GRID2: variants seen among roughly 807,000 people sequenced by gnomAD.
GRID2 encodes glutamate receptor ionotropic, delta-2.
A neutral mutation model predicts 114.8 loss-of-function variants in GRID2; 33 were observed. That is an observed-to-expected ratio of 0.29 (90% CI 0.22 to 0.38). The LOEUF is 0.38. Ranked by LOEUF, GRID2 falls within the 10% of genes least tolerant of loss-of-function variation. The pLI, the probability that GRID2 is intolerant of heterozygous loss-of-function variation, is 1.00. For missense variants in GRID2, 1,184 were observed against 1,257.7 expected, an observed-to-expected ratio of 0.94 and a Z score of 0.89; for synonymous variants, 505 against 449.9, an observed-to-expected ratio of 1.12 and a Z score of -1.55.
chr4:92,883,325 G>GT (rs1746148283), intron 2 of GRID2, among the ~76,000 whole-genome samples: 1 of 152,144 alleles, frequency 6.6e-6, no homozygotes, highest in African/African-American at 2.4e-5. Context: ...TGCTCTTGCT[G>GT]TTTTTATCAC....
At chr4:93,157,167 T>C (rs997840865) in intron 4 of GRID2, among the ~76,000 whole-genome samples, 1 of 151,682 alleles carries the variant, frequency 6.6e-6, no homozygotes, top group Admixed American at 6.6e-5. Context: ...AAAATGTAGA[T>C]TTCAACCTTA....
rs759877728 is a variant in GRID2, at chr4:93,751,972, C to CT, written c.2361-17225dup. Among the ~76,000 whole-genome samples the CT allele has an allele frequency of 3.9e-3, 553 of 143,082 alleles. 2 individuals carry two copies. The highest frequency in any genetic ancestry group is 4.8e-3 in the Non-Finnish European group (315 of 64,994). The allele number at this position is 143,082 out of a possible 152,430, so 93.9% of individuals were successfully genotyped here. A position where few individuals can be genotyped will look rare whatever the true frequency, so the allele number is the denominator to read the frequency against. On this transcript the variant is annotated intron_variant, in intron 14 of 15. Transcript: ENST00000282020. ...TCAGGCCATTGCACACCTGAACATT[C>CT]TTTTTTTTTTTTTGGCTAGAGTATC...
chr4:93,239,806 A>G (rs1275468350), intron 8 of GRID2, among the ~76,000 whole-genome samples: 1 of 151,556 alleles, frequency 6.6e-6, no homozygotes, highest in East Asian at 1.9e-4. Context: ...GATTTTTACG[A>G]TGTTAATTTA....
intron 8 of GRID2, among the ~76,000 whole-genome samples, chr4:93,347,580 C>T (rs2149255771): frequency 6.6e-6 from 1 of 152,144 alleles, no homozygotes; most frequent in African/African-American, 2.4e-5. Flanking sequence ...TACACTTAAA[C>T]ACTACACTAA....
In GRID2 at chr4:93,177,628, G is replaced by A. The variant is rs562741770; in HGVS notation, c.736-29776G>A. 2.0e-5 allele frequency among the ~76,000 whole-genome samples: 3 copies of A among 152,174 alleles called. No homozygotes were observed. The East Asian group carries it at 5.8e-4, about 29-fold the overall frequency. On this transcript the variant is annotated intron_variant, in intron 4 of 15. Transcript: ENST00000282020. ...AGAAATACTTTCATTGAGTACTGTT[G>A]ATTCAACATAAAAATAACTTTAGGG...
intron 2 of GRID2, among the ~76,000 whole-genome samples, chr4:93,015,137 A>G (rs972657327): frequency 6.6e-6 from 1 of 152,154 alleles, no homozygotes; most frequent in African/African-American, 2.4e-5. Context: ...ATGCTTCCAT[A>G]CACATTGGTG....
intron 2 of GRID2, among the ~76,000 whole-genome samples, chr4:92,761,013 G>A (rs1737985197): frequency 6.6e-6 from 1 of 151,710 alleles, no homozygotes; most frequent in South Asian, 2.1e-4. Flanking sequence ...TCCATATATG[G>A]CAACTACATA....
chr4:92,840,684 T>C (rs558253701), intron 2 of GRID2, among the ~76,000 whole-genome samples: 2 of 152,170 alleles, frequency 1.3e-5, no homozygotes, highest in African/African-American at 4.8e-5. Flanking sequence ...TCATTGAGCA[T>C]ATATGTCCTT....
At chr4:92,788,850 T>A (rs1443550025) in intron 2 of GRID2, among the ~76,000 whole-genome samples, 2 of 151,830 alleles carry the variant, frequency 1.3e-5, no homozygotes, top group Admixed American at 6.6e-5. Context: ...TTGTATGTTT[T>A]ATAATAAACT....
At chr4:93,167,146 T>C (rs1207321795) in intron 4 of GRID2, among the ~76,000 whole-genome samples, 1 of 152,160 alleles carries the variant, frequency 6.6e-6, no homozygotes, top group Non-Finnish European at 1.5e-5. Flanking sequence ...GAATTCCAGC[T>C]TTGTTCTGAG....
intron 2 of GRID2, among the ~76,000 whole-genome samples, chr4:92,812,825 T>G (rs891029294): frequency 2.0e-5 from 3 of 152,166 alleles, no homozygotes. Context: ...AATTTGCTAC[T>G]TCTTGAAGGT....
intron 1 of GRID2, among the ~76,000 whole-genome samples, chr4:92,325,281 C>T (rs566907400): frequency 1.7e-4 from 26 of 151,860 alleles, no homozygotes; most frequent in African/African-American, 6.0e-4. Flanking sequence ...GTAGATATGA[C>T]CACCTAGCTT....
intron 4 of GRID2, chr4:93,166,179 G>A (rs1159484177): frequency 6.6e-6 from 1 of 152,162 alleles, no homozygotes; most frequent in African/African-American, 2.4e-5. Context: ...AAGATAAAGT[G>A]AATGAAAAAT....
intron 1 of GRID2, among the ~76,000 whole-genome samples, chr4:92,479,956 T>C (rs1722501277): frequency 6.6e-6 from 1 of 152,176 alleles, no homozygotes; most frequent in African/African-American, 2.4e-5. Context: ...TTTAGCGTAA[T>C]TGATAGAATG....
At chr4:93,786,488 T>G (rs975433467) in intron 1 of GRID2, among the ~76,000 whole-genome samples, 10 of 152,162 alleles carry the variant, frequency 6.6e-5, no homozygotes, top group Non-Finnish European at 1.5e-4. Flanking sequence ...TAAAAAGGAA[T>G]GAGATCCAGG....
At position 92,725,603 on chromosome 4, in the gene GRID2, T is replaced by C. The variant is rs142411670; in HGVS notation, c.244+135317T>C. Among the ~76,000 whole-genome samples, 78 of 152,198 alleles carry C rather than the reference T, an allele frequency of 5.1e-4. 1 individual carries two copies. The East Asian group carries it at 0.013, about 25-fold the overall frequency. ...CTTATTTTGTCAAGGAAGCGTCAGTTTGTAAAATGGAAGTGACAGGAATCT... is the reference window on the plus strand; with the variant it reads ...CTTATTTTGTCAAGGAAGCGTCAGTCTGTAAAATGGAAGTGACAGGAATCT... On this transcript the variant is annotated intron_variant, in intron 2 of 15. Transcript: ENST00000282020.
At chr4:93,141,804 T>A (rs1272005693) in intron 4 of GRID2, among the ~76,000 whole-genome samples, 1 of 150,838 alleles carries the variant, frequency 6.6e-6, no homozygotes, top group African/African-American at 2.5e-5. Flanking sequence ...ATTTAACAGG[T>A]TTTTTTGTAG....
intron 8 of GRID2, among the ~76,000 whole-genome samples, chr4:93,264,281 T>C (rs1384444567): frequency 1.3e-5 from 2 of 152,194 alleles, no homozygotes; most frequent in African/African-American, 4.8e-5. Flanking sequence ...ACAGGTAATT[T>C]ATAAGCAAAG....
chr4:92,612,987 C>T (rs1331190264), intron 2 of GRID2, among the ~76,000 whole-genome samples: 2 of 151,270 alleles, frequency 1.3e-5, no homozygotes. Flanking sequence ...AAAGTAAAAA[C>T]CATTTCCTGT....
Sources: allele counts gnomAD v4.1 joint callset (sites outside exome capture counted in the v4.1 genomes callset), GRCh38; gene constraint gnomAD v4.1.1; transcripts MANE v1.5; gene names NCBI Gene and HGNC (gene_info 2026-07-23, HGNC 2026-07-21).